The following NKAIN1 variants were observed in gnomAD, a reference collection of about 807,000 sequenced individuals.
The protein encoded by NKAIN1 is sodium/potassium transporting ATPase interacting 1, also known as sodium/potassium-transporting ATPase subunit beta-1-interacting protein 1.
A neutral mutation model predicts 31.6 loss-of-function variants in NKAIN1; 13 were observed. The observed-to-expected ratio is 0.41, with a 90% CI of 0.27 to 0.65. The LOEUF is 0.65. Among genes scored for constraint, NKAIN1 ranks in the 30% least tolerant of loss-of-function variants. NKAIN1 has a pLI of 0.30. For synonymous variants in NKAIN1, 104 were observed against 109.0 expected (o/e 0.95, Z 0.28); for missense variants, 193 against 262.2 (o/e 0.74, Z 1.82).
At chr1:31,182,684 A>G in intron 4 of NKAIN1, 94 bp from the exon 5 acceptor site, 2 of 1,368,098 alleles carry the variant, frequency 1.5e-6, no homozygotes, top group Non-Finnish European at 2.1e-6. Flanking sequence ...CTGGCAAGGG[A>G]GGAGGCATGC....
chr1:31,203,162 G>A (rs1346747910), intron 1 of NKAIN1, among the ~76,000 whole-genome samples: 1 of 151,900 alleles, frequency 6.6e-6, no homozygotes, highest in Non-Finnish European at 1.5e-5. Flanking sequence ...CTACTCGGGA[G>A]GCTGAGGCAG....
chr1:31,216,949 T>C (rs1019187093), intron 1 of NKAIN1, among the ~76,000 whole-genome samples: 4 of 152,098 alleles, frequency 2.6e-5, no homozygotes, highest in South Asian at 2.1e-4. Flanking sequence ...CACTGCAAAC[T>C]CCGCCTCCCG....
chr1:31,198,405 G>C (rs535686360), intron 1 of NKAIN1, among the ~76,000 whole-genome samples: 14 of 152,150 alleles, frequency 9.2e-5, no homozygotes, highest in African/African-American at 3.4e-4. Context: ...GCCCAAACCT[G>C]GTCCATGTCC....
chr1:31,219,666 G>T lies in NKAIN1; in HGVS notation c.54+19828C>A, dbSNP rs76752242. On this transcript the variant is annotated intron_variant, in intron 1 of 6. Transcript: ENST00000373736. ...TGTGGTGTCTGTTGTGAGCAAACTC[G>T]TAAATCATCACTGGAGACACATTCC... Among the ~76,000 whole-genome samples, 683 of 152,368 alleles carry T rather than the reference G, an allele frequency of 4.5e-3. 7 individuals are homozygous for T. The highest frequency in any genetic ancestry group is 0.015 in the African/African-American group (643 of 41,582).
At chr1:31,230,887 T>A (rs947403231) in intron 1 of NKAIN1, among the ~76,000 whole-genome samples, 2 of 148,336 alleles carry the variant, frequency 1.3e-5, no homozygotes, top group African/African-American at 5.0e-5. Context: ...TATTTTTTTT[T>A]TTTTTTTTTT....
chr1:31,196,340 T>C lies in NKAIN1; in HGVS notation c.55-8153A>G, dbSNP rs1047071867. 1.4e-3 allele frequency among the ~76,000 whole-genome samples: 207 copies of C among 151,982 alleles called. 1 individual carries two copies. The highest frequency in any genetic ancestry group is 4.7e-3 in the African/African-American group (193 of 41,494). Reference sequence around the variant, plus strand: ...CATCCTGGCTAACATGGTGAAACCCTGTCTCTACTAAAAATACAAAAAATT... The same window carrying C: ...CATCCTGGCTAACATGGTGAAACCCCGTCTCTACTAAAAATACAAAAAATT... On this transcript the variant is annotated intron_variant, in intron 1 of 6. Coordinates refer to ENST00000373736, the MANE Select transcript of NKAIN1 (RefSeq NM_024522.3).
intron 1 of NKAIN1, among the ~76,000 whole-genome samples, chr1:31,192,612 G>A (rs1056985605): frequency 1.3e-5 from 2 of 151,864 alleles, no homozygotes; most frequent in South Asian, 2.1e-4. Flanking sequence ...GTGCAGTGGC[G>A]TGATATCAGC....
chr1:31,224,858 G>A (rs1374332325), intron 1 of NKAIN1, among the ~76,000 whole-genome samples: 3 of 152,124 alleles, frequency 2.0e-5, no homozygotes. Flanking sequence ...CTTGGAGGAT[G>A]AGGCATTTGG....
intron 2 of NKAIN1, among the ~76,000 whole-genome samples, chr1:31,186,919 A>G (rs1429400058): frequency 2.0e-5 from 3 of 152,090 alleles, no homozygotes; most frequent in African/African-American, 7.2e-5. Context: ...ACAGCATTCC[A>G]CCCACGGTAG....
In NKAIN1 at chr1:31,233,578, AC is replaced by A. The variant is rs904123426; in HGVS notation, c.54+5915del. On this transcript the variant is annotated intron_variant, in intron 1 of 6. Transcript: ENST00000373736. This position sits in a 1 kb window ranked among gnomAD's most constrained non-coding sequence, Gnocchi z 4.0. ...ATGCCTGGCTCATAGCAGACACCAAACAAAAAGAAATTCTCATTATGTTAAT... is the reference window on the plus strand; with the variant it reads ...ATGCCTGGCTCATAGCAGACACCAAAAAAAAGAAATTCTCATTATGTTAAT... Among the ~76,000 whole-genome samples the A allele has an allele frequency of 5.3e-5, 8 of 152,314 alleles. No homozygotes were observed. Among genetic ancestry groups the A allele is most frequent in the Non-Finnish European group, 7.4e-5 (5 of 68,020 alleles).
chr1:31,223,390 A>AAAAG (rs1557661570), intron 1 of NKAIN1, among the ~76,000 whole-genome samples: 2 of 151,510 alleles, frequency 1.3e-5, no homozygotes, highest in Non-Finnish European at 2.9e-5. Context: ...AAAAAAAAAA[A>AAAAG]AAAGAAAGAA....
intron 1 of NKAIN1, among the ~76,000 whole-genome samples, chr1:31,203,169 G>A (rs1645396106): frequency 6.6e-6 from 1 of 151,904 alleles, no homozygotes; most frequent in African/African-American, 2.4e-5. Flanking sequence ...GGAGGCTGAG[G>A]CAGGAGAATC....
chr1:31,181,698 A>G lies in NKAIN1; in HGVS notation c.*5T>C. The G allele has an allele frequency of 6.8e-7, 1 of 1,471,940 alleles. No homozygotes were observed. The highest frequency in any genetic ancestry group is 9.0e-7 in the Non-Finnish European group (1 of 1,105,434). The allele number at this position is 1,471,940 out of a possible 1,614,324, so 91.2% of individuals were successfully genotyped here. ...CGAGGCGCCGGGGTGGGCGCGGGGC[A>G]GAGGCTACCCCGACCTGCGGGAAAC... On this transcript the variant is annotated 3_prime_UTR_variant, in exon 7 of 7. Transcript: ENST00000373736.
At chr1:31,207,657 G>A (rs1001779636) in intron 1 of NKAIN1, among the ~76,000 whole-genome samples, 1 of 152,048 alleles carries the variant, frequency 6.6e-6, no homozygotes, top group Non-Finnish European at 1.5e-5. Flanking sequence ...TGGGTGCAAA[G>A]AGGAACAGCC....
intron 1 of NKAIN1, among the ~76,000 whole-genome samples, chr1:31,231,039 T>C (rs1645644226): frequency 6.6e-6 from 1 of 151,694 alleles, no homozygotes; most frequent in Non-Finnish European, 1.5e-5. Context: ...CCCGCCACCA[T>C]GCCCAGCTAA....
At chr1:31,198,904 G>A (rs1645352799) in intron 1 of NKAIN1, among the ~76,000 whole-genome samples, 1 of 152,172 alleles carries the variant, frequency 6.6e-6, no homozygotes. Flanking sequence ...GCTGAATAAT[G>A]CAGATGGGCC....
chr1:31,209,415 A>T (rs1570466024), intron 1 of NKAIN1, among the ~76,000 whole-genome samples: 1 of 152,204 alleles, frequency 6.6e-6, no homozygotes. Flanking sequence ...CCAGCAGCCC[A>T]GCAGAGTGCA....
At chr1:31,203,163 G>A (rs1451122762) in intron 1 of NKAIN1, among the ~76,000 whole-genome samples, 2 of 151,916 alleles carry the variant, frequency 1.3e-5, no homozygotes, top group African/African-American at 4.8e-5. Flanking sequence ...TACTCGGGAG[G>A]CTGAGGCAGG....
At chr1:31,224,323 GGATGTTTATT>G (rs1436982730) in intron 1 of NKAIN1, among the ~76,000 whole-genome samples, 1 of 152,186 alleles carries the variant, frequency 6.6e-6, no homozygotes, top group Non-Finnish European at 1.5e-5. Flanking sequence ...AAGCGGGAAG[GGATGTTTATT>G]GATCCACAAA....
Sources: gnomAD v4.1 joint callset for allele counts (sites outside exome capture counted in the v4.1 genomes callset) on GRCh38, gnomAD v4.1.1 for gene constraint, Gnocchi (gnomAD v3.1) non-coding constraint, MANE v1.5 for transcripts, NCBI Gene and HGNC (gene_info 2026-07-23, HGNC 2026-07-21) for gene names.